Variants in DCC observed in about 807,000 individuals in gnomAD.
DCC encodes DCC netrin 1 receptor.
DCC carries 58 observed loss-of-function variants against 172.5 expected under a neutral mutation model. The observed-to-expected ratio is 0.34, with a 90% CI of 0.27 to 0.42. The LOEUF (loss-of-function observed/expected upper bound fraction) is 0.42. Among genes scored for constraint, DCC ranks in the 10% least tolerant of loss-of-function variants. DCC has a pLI of 1.00. For missense variants in DCC, 1,740 were observed against 1,791.0 expected, an observed-to-expected ratio of 0.97 and a Z score of 0.51; for synonymous variants, 709 against 644.5, an observed-to-expected ratio of 1.10 and a Z score of -1.52.
intron 1 of DCC, among the ~76,000 whole-genome samples, chr18:52,744,914 G>A (rs949644978): frequency 6.6e-6 from 1 of 152,196 alleles, no homozygotes; most frequent in Non-Finnish European, 1.5e-5. Context: ...TCTTTTGGAA[G>A]AGGCTTGTAG....
chr18:53,096,132 G>T (rs952155697), intron 7 of DCC, among the ~76,000 whole-genome samples: 1 of 151,848 alleles, frequency 6.6e-6, no homozygotes, highest in African/African-American at 2.4e-5. Flanking sequence ...TTATGCACAT[G>T]TACCCTAAAA....
chr18:52,788,026 A>C (rs1047071301), intron 2 of DCC, among the ~76,000 whole-genome samples: 2 of 152,154 alleles, frequency 1.3e-5, no homozygotes, highest in African/African-American at 4.8e-5. Flanking sequence ...TAGTGTCTTA[A>C]GACAGTCTTG....
chr18:52,430,042 T>G (rs1987569543), intron 1 of DCC, among the ~76,000 whole-genome samples: 1 of 152,080 alleles, frequency 6.6e-6, no homozygotes, highest in Non-Finnish European at 1.5e-5. Flanking sequence ...TAGCAGAGAA[T>G]AAAGTATATG....
intron 2 of DCC, among the ~76,000 whole-genome samples, chr18:52,779,330 G>A (rs2037490166): frequency 6.6e-6 from 1 of 152,026 alleles, no homozygotes; most frequent in African/African-American, 2.4e-5. Flanking sequence ...ACAGGCCCCA[G>A]TGTTTGACGT....
intron 5 of DCC, among the ~76,000 whole-genome samples, chr18:52,967,946 A>G (rs1010106008): frequency 6.6e-6 from 1 of 152,190 alleles, no homozygotes; most frequent in African/African-American, 2.4e-5. Flanking sequence ...TTGAGATTTT[A>G]GACGCATTAA....
Position 52,758,201 on chromosome 18 carries a change from AAAAC to A in DCC, c.412+5829_412+5832del, listed in dbSNP as rs1303674959. Among the ~76,000 whole-genome samples, 3 of 152,214 alleles carry A rather than the reference AAAAC, an allele frequency of 2.0e-5. No homozygotes were observed. In the East Asian group the frequency reaches 5.8e-4, roughly 29 times the overall value. On this transcript the variant is annotated intron_variant, in intron 2 of 28. Transcript: ENST00000442544. ...TGACACATGACAAATCTGTGTCAGA[AAAAC>A]AGACAGCATATAATTTTTAAAATAA...
intron 5 of DCC, among the ~76,000 whole-genome samples, chr18:52,954,716 T>C (rs1038207166): frequency 4.6e-5 from 7 of 152,200 alleles, no homozygotes; most frequent in African/African-American, 1.7e-4. Flanking sequence ...TTTATATTAA[T>C]TGAATAACAA....
Position 52,340,248 on chromosome 18 carries a change from GT to G in DCC, c.-539del, listed in dbSNP as rs1983561288. 1 of 193,040 alleles carries G rather than the reference GT, an allele frequency of 5.2e-6. No individual in the cohort carries two copies. Among genetic ancestry groups the G allele is most frequent in the East Asian group, 1.2e-4 (1 of 8,360 alleles). 12.0% of individuals were successfully genotyped at this position (193,040 alleles called of 1,614,324 possible). On this transcript the variant is annotated 5_prime_UTR_variant, in exon 1 of 29. Coordinates refer to ENST00000442544, the MANE Select transcript of DCC (RefSeq NM_005215.4). ...ACAAGTGAGAGCGCTCCACCCCGCAGTCCCCCCCGCCTCTCCTCCCTGGGTC... is the reference window on the plus strand; with the variant it reads ...ACAAGTGAGAGCGCTCCACCCCGCAGCCCCCCCGCCTCTCCTCCCTGGGTC...
chr18:52,598,124 A>C (rs1355624525), intron 1 of DCC, among the ~76,000 whole-genome samples: 1 of 152,202 alleles, frequency 6.6e-6, no homozygotes, highest in East Asian at 1.9e-4. Flanking sequence ...GCCCTTAAGC[A>C]AGATACTATA....
chr18:52,947,007 C>T (rs1476251254), intron 5 of DCC, among the ~76,000 whole-genome samples: 1 of 152,062 alleles, frequency 6.6e-6, no homozygotes, highest in Non-Finnish European at 1.5e-5. Context: ...ACTCACCTCA[C>T]CTGCTTCATT....
intron 5 of DCC, among the ~76,000 whole-genome samples, chr18:52,929,430 T>C (rs1353351317): frequency 6.6e-6 from 1 of 152,126 alleles, no homozygotes; most frequent in Non-Finnish European, 1.5e-5. Flanking sequence ...AAATTTTAGT[T>C]TGGTTAATAA....
intron 1 of DCC, among the ~76,000 whole-genome samples, chr18:52,417,241 C>G (rs576568634): frequency 1.3e-5 from 2 of 152,186 alleles, no homozygotes; most frequent in East Asian, 3.9e-4. Context: ...CCGAGAGATC[C>G]GCTGTTAGTC....
intron 1 of DCC, among the ~76,000 whole-genome samples, chr18:52,459,900 C>T (rs200773634): frequency 9.6e-6 from 1 of 104,312 alleles, no homozygotes. Flanking sequence ...TATATATATA[C>T]ACACATATAT....
chr18:53,114,142 T>A (rs1314688852), intron 7 of DCC, among the ~76,000 whole-genome samples: 1 of 151,532 alleles, frequency 6.6e-6, no homozygotes, highest in African/African-American at 2.4e-5. Flanking sequence ...AATGCACTCA[T>A]GTTTATGTAA....
chr18:52,885,896 T>C (rs1463751131), intron 2 of DCC, among the ~76,000 whole-genome samples: 1 of 152,038 alleles, frequency 6.6e-6, no homozygotes, highest in Non-Finnish European at 1.5e-5. Flanking sequence ...GACTGGATTC[T>C]TCCTGTCTAG....
intron 5 of DCC, among the ~76,000 whole-genome samples, chr18:53,035,199 TAC>T (rs1384606848): frequency 6.6e-6 from 1 of 151,436 alleles, no homozygotes; most frequent in Non-Finnish European, 1.5e-5. Context: ...TTGGGAACAT[TAC>T]AGATCTTCTG....
chr18:52,373,208 AGTT>A (rs1375203776), intron 1 of DCC, among the ~76,000 whole-genome samples: 1 of 152,158 alleles, frequency 6.6e-6, no homozygotes, highest in African/African-American at 2.4e-5. Flanking sequence ...ATGGCCATAC[AGTT>A]TTTTTTCCAA....
At chr18:52,824,504 T>A (rs936921914) in intron 2 of DCC, among the ~76,000 whole-genome samples, 1 of 152,178 alleles carries the variant, frequency 6.6e-6, no homozygotes, top group Non-Finnish European at 1.5e-5. Context: ...AGCTAGTATC[T>A]TTTGTGTAAT....
intron 12 of DCC, among the ~76,000 whole-genome samples, chr18:53,289,600 T>C (rs571861477): frequency 6.7e-6 from 1 of 149,436 alleles, no homozygotes; most frequent in Non-Finnish European, 1.5e-5. Flanking sequence ...TTGGGATGTT[T>C]ATTGAACAAA....
Sources: allele counts gnomAD v4.1 joint callset (sites outside exome capture counted in the v4.1 genomes callset), GRCh38; gene constraint gnomAD v4.1.1; transcripts MANE v1.5; gene names NCBI Gene and HGNC (gene_info 2026-07-23, HGNC 2026-07-21).